Variants in MTMR10 observed in about 807,000 individuals in gnomAD.
The protein encoded by MTMR10 is myotubularin related protein 10.
MTMR10 carries 56 observed loss-of-function variants against 88.1 expected under a neutral mutation model. The ratio of observed to expected loss-of-function variants is 0.64; its 90% CI spans 0.51 to 0.79. MTMR10 has a LOEUF of 0.79. Ranked by LOEUF, MTMR10 falls within the 30% of genes least tolerant of loss-of-function variation. The pLI is 0.00. For synonymous variants in MTMR10, 380 were observed against 340.9 expected, an observed-to-expected ratio of 1.11 and a Z score of -1.26; for missense variants, 883 against 924.7, an observed-to-expected ratio of 0.95 and a Z score of 0.58.
the MTMR10 span, chr15:30,925,104 T>C: frequency 6.3e-7 from 1 of 1,593,856 alleles, no homozygotes; most frequent in Non-Finnish European, 8.6e-7. Flanking sequence ...AGGAGCCTGA[T>C]GTGTGACCAT....
intron 10 of MTMR10, 60 bp from the exon 11 acceptor site, chr15:30,953,691 G>T: frequency 9.2e-7 from 1 of 1,086,312 alleles, no homozygotes; most frequent in Non-Finnish European, 1.3e-6. Context: ...CCCTATCAGA[G>T]TAAAGAGATA....
At chr15:30,971,495 T>C (rs2063537461) in intron 5 of MTMR10, among the ~76,000 whole-genome samples, 1 of 152,146 alleles carries the variant, frequency 6.6e-6, no homozygotes, top group African/African-American at 2.4e-5. Flanking sequence ...CAGTACCAGA[T>C]TCAAGTCAAA....
chr15:30,944,304 T>C (rs1028784065), intron 14 of MTMR10, among the ~76,000 whole-genome samples: 8 of 152,172 alleles, frequency 5.3e-5, no homozygotes, highest in African/African-American at 1.4e-4. Flanking sequence ...TGGTGACTCA[T>C]GCCTGTAATC....
intron 14 of MTMR10, chr15:30,943,358 C>T (rs2063114325): frequency 1.0e-6 from 1 of 985,080 alleles, no homozygotes; most frequent in African/African-American, 1.7e-5. Context: ...AGAGAAGTTT[C>T]ACTAACATGA....
intron 1 of MTMR10, chr15:30,991,215 A>T (rs1467112821): frequency 2.0e-6 from 1 of 488,792 alleles, no homozygotes; most frequent in Non-Finnish European, 3.5e-6. Flanking sequence ...AAAACTACGG[A>T]CGACAGAACT....
chr15:30,930,388 C>G, the MTMR10 span, among the ~76,000 whole-genome samples: 1 of 152,214 alleles, frequency 6.6e-6, no homozygotes, highest in African/African-American at 2.4e-5. Flanking sequence ...CTCTGCAGCT[C>G]TGGTACAAGC....
intron 14 of MTMR10, chr15:30,946,873 G>T: frequency 1.6e-6 from 1 of 611,526 alleles, no homozygotes; most frequent in South Asian, 2.0e-5. Context: ...CATTTAAGGT[G>T]GTTAAAGTAA....
intron 2 of MTMR10, among the ~76,000 whole-genome samples, chr15:30,980,487 A>T (rs187918805): frequency 6.6e-6 from 1 of 152,364 alleles, no homozygotes; most frequent in Admixed American, 6.5e-5. Context: ...GACATGCAGT[A>T]ACAGATGTGT....
chr15:30,947,352 T>C, intron 13 of MTMR10, 52 bp from the exon 14 acceptor site: 2 of 1,556,708 alleles, frequency 1.3e-6, no homozygotes, highest in Non-Finnish European at 1.7e-6. Flanking sequence ...CTTCAGCCGT[T>C]CACATTTACT....
intron 2 of MTMR10, among the ~76,000 whole-genome samples, chr15:30,987,169 T>C (rs1463218373): frequency 6.6e-6 from 1 of 152,234 alleles, no homozygotes; most frequent in Non-Finnish European, 1.5e-5. Context: ...TCTCTTGAAA[T>C]GTCTGGCATA....
rs1566974802 is a variant in MTMR10 at position 30,991,324 on chromosome 15, C to G, written c.60+123G>C. 6 of 1,021,110 alleles carry G rather than the reference C, an allele frequency of 5.9e-6. No individual in the cohort carries two copies. In the East Asian group the frequency reaches 1.5e-4, roughly 26 times the overall value. 63.3% of individuals were successfully genotyped at this position (1,021,110 alleles called of 1,614,324 possible). A position where few individuals can be genotyped will look rare whatever the true frequency, so the allele number is the denominator to read the frequency against. On this transcript the variant is annotated intron_variant, in intron 1 of 15. Transcript: ENST00000435680. ...TTCGCGGCGCCGGGAATCAGGCAGC[C>G]GCGCTGCTGTGGGCAGGGAGACGCG...
intron 6 of MTMR10, among the ~76,000 whole-genome samples, chr15:30,966,227 T>C (rs2063470572): frequency 6.6e-6 from 1 of 152,196 alleles, no homozygotes; most frequent in South Asian, 2.1e-4. Context: ...TAAGAAGAAA[T>C]AGTGGAACTG....
At chr15:30,935,479 C>A (rs534782762), downstream of MTMR10, among the ~76,000 whole-genome samples, 1 of 151,786 alleles carries the variant, frequency 6.6e-6, no homozygotes, top group African/African-American at 2.4e-5. Flanking sequence ...CAACAATAAA[C>A]AAATCAAATA....
At chr15:30,972,581 A>G (rs1421651755) in intron 5 of MTMR10, among the ~76,000 whole-genome samples, 1 of 152,116 alleles carries the variant, frequency 6.6e-6, no homozygotes, top group African/African-American at 2.4e-5. Context: ...GGATATTCTG[A>G]ATTTCCACAG....
intron 6 of MTMR10, among the ~76,000 whole-genome samples, chr15:30,962,362 G>A (rs1262353705): frequency 6.6e-6 from 1 of 152,210 alleles, no homozygotes; most frequent in Non-Finnish European, 1.5e-5. Flanking sequence ...ACTGTGGCAA[G>A]TCTCCCAGCT....
Position 30,941,841 on chromosome 15 carries a change from T to C in MTMR10, c.1963A>G (p.Lys655Glu). The part of the protein sequence containing the change: ...ILPRVSGTHI[K>E]LWKLCYFRWV... ...CGGAAGTAGCACAGTTTCCACAGTT[T>C]TATGTGTGTTCCAGAGACACGTGGC... The change falls in exon 16 of 16, where the codon AAA becomes GAA. Residue 655 changes from lysine (K) to glutamate (E), a missense_variant. Lys to Glu is a moderately conservative substitution (Grantham distance 56). This residue lies in a region of MTMR10 where 343 missense variants were observed against 323.2 expected (regional missense o/e 1.06). Coordinates refer to ENST00000435680, the MANE Select transcript of MTMR10 (RefSeq NM_017762.3). The C allele has an allele frequency of 1.2e-6, 2 of 1,614,008 alleles. No individual in the cohort carries two copies. Among genetic ancestry groups the C allele is most frequent in the Non-Finnish European group, 1.7e-6 (2 of 1,179,892 alleles).
At chr15:30,925,711 C>T in the MTMR10 span, 2 of 1,520,434 alleles carry the variant, frequency 1.3e-6, no homozygotes, top group Non-Finnish European at 1.8e-6. Context: ...GGAGGTCAAT[C>T]CTCACGATGC....
chr15:30,936,716 C>T (rs890591023), downstream of MTMR10, among the ~76,000 whole-genome samples: 1 of 152,196 alleles, frequency 6.6e-6, no homozygotes, highest in Non-Finnish European at 1.5e-5. Context: ...CTTAGCTTAG[C>T]CTACCTTAAA....
At chr15:30,955,650 G>C (rs1011252535) in intron 9 of MTMR10, among the ~76,000 whole-genome samples, 10 of 152,268 alleles carry the variant, frequency 6.6e-5, no homozygotes, top group Middle Eastern at 6.8e-3. Context: ...CTGCCAAGGG[G>C]GGGGCGGGGC....
Sources: gnomAD v4.1 joint callset for allele counts (sites outside exome capture counted in the v4.1 genomes callset) on GRCh38, gnomAD v4.1.1 for gene constraint, gnomAD v4.1.1 regional missense constraint, MANE v1.5 for transcripts, NCBI Gene and HGNC (gene_info 2026-07-23, HGNC 2026-07-21) for gene names.